PTCH1: variants seen among roughly 807,000 people sequenced by gnomAD.
The protein encoded by PTCH1 is patched 1.
A neutral mutation model predicts 144.6 loss-of-function variants in PTCH1; 14 were observed. That is an observed-to-expected ratio of 0.10 (90% confidence interval 0.06 to 0.15). PTCH1 has a LOEUF of 0.15. PTCH1 is among the 10% of genes least tolerant of loss of function. The pLI is 1.00. For synonymous variants in PTCH1, 833 were observed against 793.6 expected (o/e 1.05, Z -0.83); for missense variants, 1,623 against 1,948.3 (o/e 0.83, Z 3.14).
At chr9:95,490,424 T>TG (rs1842302170) in intron 2 of PTCH1, among the ~76,000 whole-genome samples, 1 of 151,624 alleles carries the variant, frequency 6.6e-6, no homozygotes, top group Non-Finnish European at 1.5e-5. Flanking sequence ...GGGGGTGCAG[T>TG]GCACTGTGAC....
At position 95,507,156 on chromosome 9, in the gene PTCH1, C is replaced by T. The variant is rs149676338; in HGVS notation, c.202-557G>A. The T allele has an allele frequency of 2.0e-3, 2,019 of 985,488 alleles. 9 individuals carry two copies. The highest frequency in any genetic ancestry group is 6.8e-3 in the Middle Eastern group (13 of 1,918). 61.0% of individuals were successfully genotyped at this position (985,488 alleles called of 1,614,324 possible). A position where few individuals can be genotyped will look rare whatever the true frequency, so the allele number is the denominator to read the frequency against. On this transcript the variant is annotated intron_variant, in intron 1 of 23. Transcript: ENST00000331920. ...GAGCGCGGCCGCCGGAGTTCACTCC[C>T]GACGCATTTCCATAGCGTGGGGAGA...
In PTCH1 at chr9:95,506,195, G is replaced by T. The variant is rs191867316; in HGVS notation, c.394+212C>A. 0.012 allele frequency: 4,805 copies of T among 409,524 alleles called. 49 individuals carry two copies. Among genetic ancestry groups the T allele is most frequent in the East Asian group, 0.017 (334 of 19,154 alleles). 25.4% of individuals were successfully genotyped at this position (409,524 alleles called of 1,614,324 possible). ...CCGCCGCTCTCTCCCACCACACCTCGGCCGGCGCAGCGCCCCGAGTAGATT... is the reference window on the plus strand; with the variant it reads ...CCGCCGCTCTCTCCCACCACACCTCTGCCGGCGCAGCGCCCCGAGTAGATT... On this transcript the variant is annotated intron_variant, in intron 2 of 23. Coordinates refer to ENST00000331920, the MANE Select transcript of PTCH1 (RefSeq NM_000264.5).
In PTCH1 at chr9:95,506,465, G is replaced by C. The variant is rs1490482816; in HGVS notation, c.336C>G (p.Phe112Leu). ...LVVGLLIFGA[F>L]AVGLKAANLE... The stretch of plus-strand genomic sequence containing the variant: ...GGTTCGCTGCTTTTAATCCCACCGC[G>C]AAGGCCCCAAATATGAGGAGGCCCA... The change falls in exon 2 of 24, where the codon TTC (phenylalanine) becomes TTG (leucine). Residue 112 changes from phenylalanine (F) to leucine (L), a missense_variant. Physicochemically the swap from Phe to Leu is conservative, Grantham distance 22. Transcript: ENST00000331920. 1 of 1,613,262 alleles carries C rather than the reference G, an allele frequency of 6.2e-7. No individual in the cohort carries two copies. Among genetic ancestry groups the C allele is most frequent in the Admixed American group, 1.7e-5 (1 of 59,926 alleles).
chr9:95,491,386 C>G (rs1020492688), intron 2 of PTCH1, among the ~76,000 whole-genome samples: 4 of 152,178 alleles, frequency 2.6e-5, no homozygotes, highest in African/African-American at 9.7e-5. Context: ...CTGAGGATAA[C>G]AGGGATAACA....
In PTCH1 at chr9:95,516,646, C is replaced by T. The variant is rs193300006; in HGVS notation, c.-175G>A. 10 of 1,610,362 alleles carry T rather than the reference C, an allele frequency of 6.2e-6. No homozygotes were observed. The Admixed American group carries it at 8.4e-5, about 14-fold the overall frequency. On this transcript the variant is annotated 5_prime_UTR_variant, in exon 1 of 23. Coordinates refer to the PTCH1 transcript ENST00000430669. ...GCCTTGTCGCTGCGGGTCTCTTTGT[C>T]TCCCCTGTCGTCTTTTTCTTCTCCT...
intron 2 of PTCH1, among the ~76,000 whole-genome samples, chr9:95,501,326 C>T (rs1400299688): frequency 6.6e-6 from 1 of 151,884 alleles, no homozygotes; most frequent in African/African-American, 2.4e-5. Context: ...AGAACAGCCC[C>T]CAACAACAGA....
rs377305157 is a variant in PTCH1 at position 95,467,858 on chromosome 9, C to T, written c.2251-433G>A. ...CTGACCTCAGGTGATCCACCCACCT[C>T]GGCCTCCCCAAGTGCTGGGATTACA... On this transcript the variant is annotated intron_variant, in intron 14 of 23. Transcript: ENST00000331920. Among the ~76,000 whole-genome samples, 16 of 152,056 alleles carry T rather than the reference C, an allele frequency of 1.1e-4. No homozygotes were observed. In the East Asian group the frequency reaches 1.2e-3, roughly 11 times the overall value.
chr9:95,459,627 C>A lies in PTCH1; in HGVS notation c.2860G>T (p.Asp954Tyr). 6.2e-7 allele frequency: 1 copy of A among 1,614,018 alleles called. No individual in the cohort carries two copies. Among genetic ancestry groups the A allele is most frequent in the Non-Finnish European group, 8.5e-7 (1 of 1,180,032 alleles). The part of the protein sequence containing the change: ...HRPEWVHDKA[D>Y]YMPETRLRIP... Reference sequence around the variant, plus strand: ...CTCAGCCTTGTTTCAGGCATGTAGTCGGCTTTGTCGTGGACCCATTCTGGT... The same window carrying A: ...CTCAGCCTTGTTTCAGGCATGTAGTAGGCTTTGTCGTGGACCCATTCTGGT... Residue 954 changes from aspartate (D) to tyrosine (Y), a missense_variant, in exon 17 of 24, where the codon GAC becomes TAC. Coordinates refer to ENST00000331920, the MANE Select transcript of PTCH1 (RefSeq NM_000264.5).
In PTCH1 at chr9:95,459,638, T is replaced by C; in HGVS notation, c.2849A>G (p.His950Arg). The C allele has an allele frequency of 1.2e-6, 2 of 1,614,114 alleles. No homozygotes were observed. The highest frequency in any genetic ancestry group is 1.7e-6 in the Non-Finnish European group (2 of 1,180,036). The change falls in exon 17 of 24, where the codon CAC becomes CGC. Residue 950 changes from histidine to arginine, a missense_variant. This residue lies in a region of PTCH1 where 504 missense variants were observed against 679.3 expected (regional missense o/e 0.74). Coordinates refer to ENST00000331920, the MANE Select transcript of PTCH1 (RefSeq NM_000264.5). ...TTCAGGCATGTAGTCGGCTTTGTCG[T>C]GGACCCATTCTGGTCGGTGTGGCCG... Reference protein sequence around the residue: ...NIRPHRPEWVHDKADYMPETR... With the variant: ...NIRPHRPEWVRDKADYMPETR...
rs1316956248 is a variant in PTCH1, at chr9:95,506,604, G to A, written c.202-5C>T. The stretch of plus-strand genomic sequence containing the variant: ...TTTCCGGCCAGTAGCCTTCCCCTGG[G>A]GACGAAGCAGAAGGGAGGAGTGAGC... On this transcript the variant is annotated splice_polypyrimidine_tract_variant and splice_region_variant and intron_variant, in intron 1 of 23. Transcript: ENST00000331920. 1 of 1,610,286 alleles carries A rather than the reference G, an allele frequency of 6.2e-7. No individual in the cohort carries two copies. The highest frequency in any genetic ancestry group is 8.5e-7 in the Non-Finnish European group (1 of 1,178,428).
At chr9:95,512,683 G>A (rs1381768450), upstream of PTCH1, among the ~76,000 whole-genome samples, 6 of 152,200 alleles carry the variant, frequency 3.9e-5, no homozygotes, top group Admixed American at 2.6e-4. Flanking sequence ...GCCACACCGG[G>A]TTTGTTAACT....
intron 2 of PTCH1, among the ~76,000 whole-genome samples, chr9:95,492,639 C>A (rs1842495117): frequency 6.6e-6 from 1 of 151,932 alleles, no homozygotes; most frequent in African/African-American, 2.4e-5. Context: ...TATCACCCCC[C>A]CTTAAAAAAA....
intron 1 of PTCH1, chr9:95,507,358 G>A: frequency 1.0e-6 from 1 of 985,376 alleles, no homozygotes; most frequent in Non-Finnish European, 1.2e-6. Context: ...GCTCCCCGGC[G>A]CGGCATTTCC....
At position 95,458,078 on chromosome 9, in the gene PTCH1, C is replaced by A. The variant is rs1839103824; in HGVS notation, c.3103G>T (p.Val1035Leu). 1 of 1,614,220 alleles carries A rather than the reference C, an allele frequency of 6.2e-7. No homozygotes were observed. The highest frequency in any genetic ancestry group is 8.5e-7 in the Non-Finnish European group (1 of 1,180,050). Residue 1035 changes from valine (V) to leucine (L), a missense_variant, in exon 18 of 24, where the codon GTG (valine) becomes TTG (leucine). Val to Leu is a conservative substitution (Grantham distance 32). Around this residue, in one of 7 missense-constraint regions of PTCH1, gnomAD observed 504 missense variants for 679.3 expected, o/e 0.74. Transcript: ENST00000331920. The surrounding 1 kb of genome is among the most constrained non-coding windows in gnomAD (Gnocchi z 4.7). Reference protein sequence around the residue: ...RHWLLLFISVVLACTFLVCAV... With the variant: ...RHWLLLFISVLLACTFLVCAV... ...CACACGAGGAATGTGCAGGCCAACA[C>A]CACGCTGATGAACAGCAGCAGCCAG... is the stretch of plus-strand genomic sequence containing the variant.
At position 95,453,635 on chromosome 9, in the gene PTCH1, T is replaced by A. The variant is rs1474312719; in HGVS notation, c.3307-15A>T. On this transcript the variant is annotated splice_polypyrimidine_tract_variant and intron_variant, in intron 19 of 23. Coordinates refer to ENST00000331920, the MANE Select transcript of PTCH1 (RefSeq NM_000264.5). ...GTCAGAAAGGCCTGTGCAATGAGGA[T>A]GTTCACAAGATCAGGTTGCTGGACT... 6.2e-7 allele frequency: 1 copy of A among 1,613,098 alleles called. No homozygotes were observed. The highest frequency in any genetic ancestry group is 8.5e-7 in the Non-Finnish European group (1 of 1,180,018).
rs115141736 is a variant in PTCH1 at position 95,486,583 on chromosome 9, G to T, written c.395-709C>A. 6.2e-3 allele frequency among the ~76,000 whole-genome samples: 938 copies of T among 152,364 alleles called. 13 individuals carry two copies. Among genetic ancestry groups the T allele is most frequent in the African/African-American group, 0.022 (904 of 41,584 alleles). ...AGCCTGTTTTCCGGAAGCACCCCAG[G>T]TGACCCTGAACCTGCTGCCCAGGCC... On this transcript the variant is annotated intron_variant, in intron 2 of 23. Coordinates refer to ENST00000331920, the MANE Select transcript of PTCH1 (RefSeq NM_000264.5).
At chr9:95,475,218 C>T (rs948466972) in intron 12 of PTCH1, among the ~76,000 whole-genome samples, 1 of 152,178 alleles carries the variant, frequency 6.6e-6, no homozygotes, top group South Asian at 2.1e-4. Context: ...CTATCCCCAT[C>T]CCAGGGAACT....
intron 15 of PTCH1, among the ~76,000 whole-genome samples, chr9:95,465,879 T>C (rs555471659): frequency 6.6e-6 from 1 of 152,222 alleles, no homozygotes; most frequent in Non-Finnish European, 1.5e-5. Context: ...ATTCTCTACT[T>C]GGCTTTGCAT....
At chr9:95,497,538 G>T (rs1842870408) in intron 2 of PTCH1, among the ~76,000 whole-genome samples, 1 of 152,170 alleles carries the variant, frequency 6.6e-6, no homozygotes, top group African/African-American at 2.4e-5. Flanking sequence ...TCCTCTCACG[G>T]AGGAGGTCAT....
Sources: gnomAD v4.1 joint callset for allele counts (sites outside exome capture counted in the v4.1 genomes callset) on GRCh38, gnomAD v4.1.1 for gene constraint, gnomAD v4.1.1 regional missense constraint, Gnocchi (gnomAD v3.1) non-coding constraint, MANE v1.5 for transcripts, NCBI Gene and HGNC (gene_info 2026-07-23, HGNC 2026-07-21) for gene names.